The following RAB11FIP4 variants were observed in gnomAD, a reference collection of about 807,000 sequenced individuals.
RAB11FIP4 encodes RAB11 family interacting protein 4, also known as rab11 family-interacting protein 4.
A neutral mutation model predicts 74.3 loss-of-function variants in RAB11FIP4; 23 were observed. The ratio of observed to expected loss-of-function variants is 0.31; its 90% confidence interval spans 0.22 to 0.44. The LOEUF is 0.44. Among genes scored for constraint, RAB11FIP4 ranks in the 20% least tolerant of loss-of-function variants. The pLI is 1.00. For synonymous variants in RAB11FIP4, 360 were observed against 359.9 expected (o/e 1.00, Z 0.00); for missense variants, 630 against 863.9 (o/e 0.73, Z 3.39).
At chr17:31,416,794 T>C (rs924705202) in intron 1 of RAB11FIP4, among the ~76,000 whole-genome samples, 3 of 152,158 alleles carry the variant, frequency 2.0e-5, no homozygotes, top group African/African-American at 7.2e-5. Flanking sequence ...AAGAGGGGAA[T>C]GACTGGCGGT....
In RAB11FIP4 at chr17:31,447,161, G is replaced by A. The variant is rs111252474; in HGVS notation, c.336+13039G>A. Among the ~76,000 whole-genome samples the A allele has an allele frequency of 7.9e-5, 12 of 152,366 alleles. No individual in the cohort carries two copies. The East Asian group carries it at 2.1e-3, about 27-fold the overall frequency. On this transcript the variant is annotated intron_variant, in intron 3 of 14. Transcript: ENST00000621161. ...TAGCCGGGCGTGGTGGTGGGCGCCT[G>A]TAGTCCCAGCTACTCGGGAGGCTGA... is the stretch of plus-strand genomic sequence containing the variant.
chr17:31,401,246 T>G (rs1373417807), intron 1 of RAB11FIP4, among the ~76,000 whole-genome samples: 3 of 151,052 alleles, frequency 2.0e-5, no homozygotes, highest in East Asian at 1.9e-4. Flanking sequence ...CACTCCAGCC[T>G]GGGCGACACA....
intron 3 of RAB11FIP4, chr17:31,501,920 A>G (rs534675266): frequency 6.5e-6 from 1 of 154,612 alleles, no homozygotes; most frequent in East Asian, 1.9e-4. Flanking sequence ...CATACAGTTG[A>G]AAAATCAAAG....
chr17:31,439,645 C>G (rs2071390570), intron 3 of RAB11FIP4, among the ~76,000 whole-genome samples: 1 of 152,302 alleles, frequency 6.6e-6, no homozygotes, highest in East Asian at 1.9e-4. Flanking sequence ...CAGTCTCGCT[C>G]TACTGCCCAG....
At chr17:31,395,113 C>T (rs1264414143) in intron 1 of RAB11FIP4, among the ~76,000 whole-genome samples, 1 of 152,108 alleles carries the variant, frequency 6.6e-6, no homozygotes, top group Non-Finnish European at 1.5e-5. Flanking sequence ...CAGTTTACCA[C>T]CTACCCCCAG....
Position 31,512,489 on chromosome 17 carries a change from G to A in RAB11FIP4, c.337-5162G>A, listed in dbSNP as rs990089036. ...TCTGGAGGAACACGCTGCTGCATCC[G>A]CTCTCTCCCTTCACCCCGGGGTCCG... is the stretch of plus-strand genomic sequence containing the variant. On this transcript the variant is annotated intron_variant, in intron 3 of 14. Coordinates refer to ENST00000621161, the MANE Select transcript of RAB11FIP4 (RefSeq NM_032932.6). This position sits in a 1 kb window ranked among gnomAD's most constrained non-coding sequence, Gnocchi z 4.1. Among the ~76,000 whole-genome samples, 1 of 152,124 alleles carries A rather than the reference G, an allele frequency of 6.6e-6. No individual in the cohort carries two copies. The highest frequency in any genetic ancestry group is 1.5e-5 in the Non-Finnish European group (1 of 68,012).
intron 3 of RAB11FIP4, among the ~76,000 whole-genome samples, chr17:31,472,117 G>A (rs192594235): frequency 8.5e-4 from 129 of 151,442 alleles, no homozygotes; most frequent in African/African-American, 2.7e-3. Flanking sequence ...AGCTGAGATC[G>A]TGCCATTGCA....
At chr17:31,518,754 G>C (rs2072607657) in intron 4 of RAB11FIP4, 1 of 152,344 alleles carries the variant, frequency 6.6e-6, no homozygotes. Flanking sequence ...ACAACACACA[G>C]ACATATGTGT....
intron 3 of RAB11FIP4, among the ~76,000 whole-genome samples, chr17:31,449,282 G>A (rs1028285408): frequency 2.0e-5 from 3 of 151,848 alleles, no homozygotes; most frequent in Non-Finnish European, 4.4e-5. Flanking sequence ...TCAAGCACTC[G>A]CCTTCACAAA....
intron 1 of RAB11FIP4, among the ~76,000 whole-genome samples, chr17:31,395,361 C>T (rs987309337): frequency 2.0e-5 from 3 of 152,060 alleles, no homozygotes; most frequent in East Asian, 1.9e-4. Context: ...ATGAGATGTG[C>T]GTAGTGGCTT....
intron 3 of RAB11FIP4, among the ~76,000 whole-genome samples, chr17:31,480,526 A>G (rs1377429409): frequency 6.6e-6 from 1 of 152,186 alleles, no homozygotes; most frequent in Non-Finnish European, 1.5e-5. Context: ...GCGGTGGCTC[A>G]CGCCTGTAAT....
chr17:31,530,267 T>C, intron 13 of RAB11FIP4, 59 bp from the exon 14 acceptor site: 1 of 1,593,878 alleles, frequency 6.3e-7, no homozygotes, highest in Non-Finnish European at 8.6e-7. Context: ...GAGAAGTGGG[T>C]TCCAGTGGGC....
intron 2 of RAB11FIP4, among the ~76,000 whole-genome samples, chr17:31,433,528 T>C (rs79163018): frequency 0.023 from 3,525 of 152,318 alleles, 132 homozygotes; most frequent in African/African-American, 0.081. Context: ...CAGTACAACC[T>C]TGGGGCGTTT....
chr17:31,475,278 CAAG>C (rs997044870), intron 3 of RAB11FIP4, among the ~76,000 whole-genome samples: 1 of 152,022 alleles, frequency 6.6e-6, no homozygotes, highest in Non-Finnish European at 1.5e-5. Flanking sequence ...GATGAGAAGA[CAAG>C]AAGAGAGGAG....
chr17:31,517,206 T>TGGGGG (rs199757879), intron 3 of RAB11FIP4, among the ~76,000 whole-genome samples: 1 of 20,250 alleles, frequency 4.9e-5, no homozygotes. Context: ...GGGGGGGCGG[T>TGGGGG]GGGGGGGGCG....
intron 1 of RAB11FIP4, among the ~76,000 whole-genome samples, chr17:31,415,332 C>T (rs778324332): frequency 3.5e-4 from 53 of 152,266 alleles, no homozygotes; most frequent in Admixed American, 1.2e-3. Flanking sequence ...AATCTGCCTC[C>T]GTTCTTGTCA....
In RAB11FIP4 at chr17:31,391,904, G is replaced by T. The variant is rs746766974; in HGVS notation, c.52G>T (p.Val18Leu). The change falls in exon 1 of 15, where the codon GTG becomes TTG. Residue 18 changes from valine (V) to leucine (L), a missense_variant. Transcript: ENST00000621161. ...CGCCCCCGCGGCTCTGCTGCGCTCC[G>T]TGCGCCGCCTGCGCGAGGTGTTCGA... ...SGAPAALLRS[V>L]RRLREVFEVC... 2.3e-5 allele frequency: 30 copies of T among 1,326,850 alleles called. No homozygotes were observed. The highest frequency in any genetic ancestry group is 3.9e-6 in the Non-Finnish European group (4 of 1,034,854). 82.2% of individuals were successfully genotyped at this position (1,326,850 alleles called of 1,614,324 possible).
chr17:31,481,481 G>A (rs1345973433), intron 3 of RAB11FIP4, among the ~76,000 whole-genome samples: 1 of 152,182 alleles, frequency 6.6e-6, no homozygotes, highest in Non-Finnish European at 1.5e-5. Context: ...GTGGCACGCA[G>A]GGTGGGACCT....
intron 3 of RAB11FIP4, among the ~76,000 whole-genome samples, chr17:31,488,686 C>T (rs1382515564): frequency 6.6e-6 from 1 of 152,210 alleles, no homozygotes; most frequent in Non-Finnish European, 1.5e-5. Flanking sequence ...GAGCCTGTTT[C>T]CTGGCTTCCC....
Sources: allele counts gnomAD v4.1 joint callset (sites outside exome capture counted in the v4.1 genomes callset), GRCh38; gene constraint gnomAD v4.1.1; non-coding constraint Gnocchi (gnomAD v3.1); transcripts MANE v1.5; gene names NCBI Gene and HGNC (gene_info 2026-07-23, HGNC 2026-07-21).